The following CELF2 variants were observed in gnomAD, a reference collection of about 807,000 sequenced individuals.
CELF2 encodes the protein CUG triplet repeat RNA-binding protein 2.
A neutral mutation model predicts 62.6 loss-of-function variants in CELF2; 8 were observed. That is an observed-to-expected ratio of 0.13 (90% CI 0.07 to 0.23). CELF2 has a LOEUF of 0.23. Ranked by LOEUF, CELF2 falls within the 10% of genes least tolerant of loss-of-function variation. The pLI, the probability that CELF2 is intolerant of heterozygous loss-of-function variation, is 1.00. For missense variants in CELF2, 333 were observed against 671.0 expected (o/e 0.50, Z 5.56); for synonymous variants, 258 against 250.0 (o/e 1.03, Z -0.30).
chr10:10,696,937 C>T, the CELF2 span, among the ~76,000 whole-genome samples: 8 of 152,258 alleles, frequency 5.3e-5, no homozygotes, highest in South Asian at 2.1e-4. Flanking sequence ...AGAAATCACC[C>T]GTCTTCTGCG....
At chr10:10,752,539 A>T in the CELF2 span, among the ~76,000 whole-genome samples, 4 of 151,778 alleles carry the variant, frequency 2.6e-5, no homozygotes, top group African/African-American at 9.7e-5. Flanking sequence ...AATACAAAAA[A>T]ATTAGCTGAG....
At chr10:10,859,922 TA>T (rs2059958932) in intron 1 of CELF2, among the ~76,000 whole-genome samples, 1 of 152,006 alleles carries the variant, frequency 6.6e-6, no homozygotes, top group Admixed American at 6.6e-5. Context: ...TTACATTTTT[TA>T]AAAAAAATTG....
chr10:10,759,706 ATGGTG>A, the CELF2 span, among the ~76,000 whole-genome samples: 4 of 152,030 alleles, frequency 2.6e-5, no homozygotes, highest in Non-Finnish European at 4.4e-5. Context: ...CACCATTGTC[ATGGTG>A]ATTCTTCTAG....
chr10:10,612,045 C>G, the CELF2 span, among the ~76,000 whole-genome samples: 1 of 152,150 alleles, frequency 6.6e-6, no homozygotes, highest in Non-Finnish European at 1.5e-5. Flanking sequence ...TTATGTGGCT[C>G]ACACAATCAT....
the CELF2 span, among the ~76,000 whole-genome samples, chr10:10,681,675 A>G: frequency 6.6e-6 from 1 of 152,208 alleles, no homozygotes; most frequent in Non-Finnish European, 1.5e-5. Context: ...TCAGAGGCTA[A>G]CAGGCTAGAT....
At chr10:10,658,703 G>A in the CELF2 span, among the ~76,000 whole-genome samples, 1 of 152,066 alleles carries the variant, frequency 6.6e-6, no homozygotes, top group Non-Finnish European at 1.5e-5. Flanking sequence ...ATTCTATCTT[G>A]TTAAACTGAA....
chr10:10,914,049 G>C (rs192564409), intron 1 of CELF2, among the ~76,000 whole-genome samples: 1 of 151,538 alleles, frequency 6.6e-6, no homozygotes, highest in African/African-American at 2.4e-5. Context: ...TTACAATAAA[G>C]AAAACCCCAC....
chr10:11,178,201 C>A lies in CELF2; in HGVS notation c.271+12519C>A, dbSNP rs1207439362. Among the ~76,000 whole-genome samples, 1 of 152,216 alleles carries A rather than the reference C, an allele frequency of 6.6e-6. No individual in the cohort carries two copies. The highest frequency in any genetic ancestry group is 1.5e-5 in the Non-Finnish European group (1 of 68,026). ...TGTGCCCAGTCCTCGCTCCCCTTTG[C>A]CAACCGGGCTGCTGAGTGTGATGCT... On this transcript the variant is annotated intron_variant, in intron 2 of 12. Coordinates refer to ENST00000633077, the MANE Select transcript of CELF2 (RefSeq NM_001326342.2). This position sits in a 1 kb window ranked among gnomAD's most constrained non-coding sequence, Gnocchi z 4.3.
intron 1 of CELF2, among the ~76,000 whole-genome samples, chr10:11,063,354 G>T (rs987100070): frequency 6.6e-6 from 1 of 152,136 alleles, no homozygotes; most frequent in Non-Finnish European, 1.5e-5. Flanking sequence ...GACTTAAGAT[G>T]GTCAGGCGAC....
intron 1 of CELF2, among the ~76,000 whole-genome samples, chr10:11,111,924 A>G (rs762001485): frequency 1.3e-5 from 2 of 152,230 alleles, no homozygotes; most frequent in Non-Finnish European, 2.9e-5. Context: ...GGAGAGACCT[A>G]TTCTTTTGAC....
intron 8 of CELF2, among the ~76,000 whole-genome samples, chr10:11,284,624 G>A (rs1188842903): frequency 1.3e-5 from 2 of 151,120 alleles, no homozygotes; most frequent in African/African-American, 4.9e-5. Context: ...ATGGGTGGGA[G>A]GATCCATACC....
intron 1 of CELF2, among the ~76,000 whole-genome samples, chr10:11,128,858 A>G (rs1369992701): frequency 1.3e-5 from 2 of 152,178 alleles, no homozygotes; most frequent in Non-Finnish European, 2.9e-5. Flanking sequence ...TCCTAATTGA[A>G]TACCCTTTAT....
At chr10:10,788,453 CTTTTTTTTTTTTTTTTT>C in the CELF2 span, among the ~76,000 whole-genome samples, 1 of 95,730 alleles carries the variant, frequency 1.0e-5, no homozygotes, top group Admixed American at 1.3e-4. Flanking sequence ...TTCTTTCCAT[CTTTTTTTTTTTTTTTTT>C]TTTTTTTTTT....
rs775960794 is a variant in CELF2 at position 11,325,858 on chromosome 10, T to C, written c.1317T>C (p.Phe439=). ...TAGGTCCAGAGGGGGCAAACCTCTT[T>C]ATTTACCACCTTCCACAGGAATTTG... The part of the protein sequence containing the change: ...QKEGPEGANL[F]IYHLPQEFGD... Residue 439 remains phenylalanine, a synonymous_variant, in exon 12 of 13, where the codon TTT becomes TTC. Transcript: ENST00000633077. 12 of 1,613,732 alleles carry C rather than the reference T, an allele frequency of 7.4e-6. No individual in the cohort carries two copies. The African/African-American group carries it at 9.3e-5, about 13-fold the overall frequency.
chr10:10,524,423 A>G, the CELF2 span, among the ~76,000 whole-genome samples: 1 of 150,382 alleles, frequency 6.6e-6, no homozygotes, highest in Admixed American at 6.7e-5. Context: ...GTATGAACAC[A>G]GGTTCACAGG....
chr10:10,806,989 T>A (rs2055304538), intron 1 of CELF2, among the ~76,000 whole-genome samples: 1 of 152,214 alleles, frequency 6.6e-6, no homozygotes, highest in South Asian at 2.1e-4. Context: ...AAAGATAAAC[T>A]AATACTATTC....
At chr10:10,906,372 G>C (rs1002622345) in intron 1 of CELF2, among the ~76,000 whole-genome samples, 1 of 152,124 alleles carries the variant, frequency 6.6e-6, no homozygotes, top group East Asian at 1.9e-4. Context: ...AGCACTTTGC[G>C]CCAGCCACTC....
chr10:10,619,719 G>A, the CELF2 span, among the ~76,000 whole-genome samples: 1 of 152,210 alleles, frequency 6.6e-6, no homozygotes, highest in African/African-American at 2.4e-5. Context: ...CACAGTTGGT[G>A]CCAGAATCTT....
chr10:10,662,832 G>A, the CELF2 span, among the ~76,000 whole-genome samples: 6 of 152,268 alleles, frequency 3.9e-5, no homozygotes, highest in Admixed American at 6.5e-5. Context: ...ACCACTTGCC[G>A]AAAAAGAGAA....
Sources: allele counts gnomAD v4.1 joint callset (sites outside exome capture counted in the v4.1 genomes callset), GRCh38; gene constraint gnomAD v4.1.1; non-coding constraint Gnocchi (gnomAD v3.1); transcripts MANE v1.5; gene names NCBI Gene and HGNC (gene_info 2026-07-23, HGNC 2026-07-21).